Variants in ADD2 observed in about 807,000 individuals in gnomAD.
The protein encoded by ADD2 is beta-adducin.
Under a neutral mutation model 83.0 loss-of-function variants are expected in ADD2, and 23 were observed. The observed-to-expected ratio is 0.28, with a 90% confidence interval of 0.20 to 0.39. The LOEUF (loss-of-function observed/expected upper bound fraction) is 0.39, where lower values mean the gene tolerates loss of function less well. Ranked by LOEUF, ADD2 falls within the 10% of genes least tolerant of loss-of-function variation. The pLI, the probability that ADD2 is intolerant of heterozygous loss-of-function variation, is 1.00. For synonymous variants in ADD2, 375 were observed against 375.4 expected, an observed-to-expected ratio of 1.00 and a Z score of 0.01; for missense variants, 758 against 944.9, an observed-to-expected ratio of 0.80 and a Z score of 2.59.
At chr2:70,699,736 C>T (rs374725220) in intron 4 of ADD2, among the ~76,000 whole-genome samples, 3 of 152,082 alleles carry the variant, frequency 2.0e-5, no homozygotes, top group Admixed American at 6.5e-5. Context: ...GCTGTGTTTG[C>T]ACCATTGCTC....
At position 70,683,570 on chromosome 2, in the gene ADD2, G is replaced by A. The variant is rs781918505; in HGVS notation, c.1125+21C>T. ...TAAGCCTCAATGGACTGGCCTGGAA[G>A]GGCAATGGCAGGAGACTCACCAGGT... is the stretch of plus-strand genomic sequence containing the variant. On this transcript the variant is annotated intron_variant, in intron 10 of 15. Transcript: ENST00000264436. 66 of 1,599,758 alleles carry A rather than the reference G, an allele frequency of 4.1e-5. 1 individual carries two copies. Among genetic ancestry groups the A allele is most frequent in the Non-Finnish European group, 5.5e-5 (64 of 1,168,960 alleles).
Position 70,661,523 on chromosome 2 carries a change from A to C in ADD2, c.*1902T>G, listed in dbSNP as rs916385360. On this transcript the variant is annotated 3_prime_UTR_variant, in exon 16 of 16. Transcript: ENST00000264436. ...TTAGGAATCTGCACTAGAGAGACAC[A>C]GTGTCAGGTTTACCTTGGTCCTAGG... 3.6e-4 allele frequency: 55 copies of C among 152,158 alleles called. 1 individual carries two copies. The highest frequency in any genetic ancestry group is 1.2e-3 in the African/African-American group (51 of 41,418). The allele number at this position is 152,158 out of a possible 1,614,324, so 9.4% of individuals were successfully genotyped here.
At chr2:70,740,844 C>T (rs955229398) in intron 1 of ADD2, among the ~76,000 whole-genome samples, 2 of 152,142 alleles carry the variant, frequency 1.3e-5, no homozygotes, top group Admixed American at 1.3e-4. Flanking sequence ...AGCGTACAGG[C>T]GTGTGCCACT....
intron 1 of ADD2, among the ~76,000 whole-genome samples, chr2:70,747,629 G>A (rs1434775683): frequency 1.3e-5 from 2 of 152,130 alleles, no homozygotes; most frequent in Admixed American, 6.5e-5. Flanking sequence ...CACCCATTAT[G>A]AGTCATGCTT....
chr2:70,767,518 A>C, intron 1 of ADD2: 1 of 353,752 alleles, frequency 2.8e-6, no homozygotes, highest in Non-Finnish European at 4.0e-6. Context: ...AGGGGAGGGG[A>C]GGGAGGGGAG....
rs1553371447 is a variant in ADD2 at position 70,690,884 on chromosome 2, G to A, written c.751C>T (p.Leu251=). 4 of 1,614,034 alleles carry A rather than the reference G, an allele frequency of 2.5e-6. No individual in the cohort carries two copies. The highest frequency in any genetic ancestry group is 3.4e-6 in the Non-Finnish European group (4 of 1,179,992). Residue 251 remains leucine (L), a synonymous_variant, in exon 8 of 16, where the codon CTG becomes TTG. Coordinates refer to ENST00000264436, the MANE Select transcript of ADD2 (RefSeq NM_001617.4). The part of the protein sequence containing the change: ...WGLLPVSHNA[L]LVGDMAYYDF... ...TAATAGGCCATGTCCCCCACCAGCA[G>A]GGCATTGTGGGAGACAGGCAGGAGG... is the stretch of plus-strand genomic sequence containing the variant.
chr2:70,716,116 T>C (rs1553376329), intron 1 of ADD2, among the ~76,000 whole-genome samples: 1 of 152,176 alleles, frequency 6.6e-6, no homozygotes, highest in Non-Finnish European at 1.5e-5. Context: ...TTTCACATTT[T>C]CCAAATATAA....
Position 70,755,701 on chromosome 2 carries a change from C to G in ADD2, c.-154+12185G>C, listed in dbSNP as rs139637624. Among the ~76,000 whole-genome samples, 27 of 152,168 alleles carry G rather than the reference C, an allele frequency of 1.8e-4. No individual in the cohort carries two copies. In the East Asian group the frequency reaches 5.2e-3, roughly 29 times the overall value. On this transcript the variant is annotated intron_variant, in intron 1 of 15. Transcript: ENST00000264436. Reference sequence around the variant, plus strand: ...TTTTCTTAAATATTTTTTATTTAGCCCTCCCTCCCTCTCCTCATAAAAATG... The same window carrying G: ...TTTTCTTAAATATTTTTTATTTAGCGCTCCCTCCCTCTCCTCATAAAAATG...
intron 1 of ADD2, among the ~76,000 whole-genome samples, chr2:70,729,625 A>G (rs1209811362): frequency 1.3e-5 from 2 of 152,160 alleles, no homozygotes; most frequent in Non-Finnish European, 2.9e-5. Flanking sequence ...TCTGCAAAAT[A>G]TGGCAGGACA....
chr2:70,667,634 G>GT (rs1463138434), intron 15 of ADD2, among the ~76,000 whole-genome samples: 6 of 152,118 alleles, frequency 3.9e-5, no homozygotes, highest in African/African-American at 1.4e-4. Context: ...TCGCTTTTTG[G>GT]TGGGGGGATG....
Position 70,687,983 on chromosome 2 carries a change from G to C in ADD2, c.948+41C>G, listed in dbSNP as rs369155998. The C allele has an allele frequency of 2.5e-4, 389 of 1,540,720 alleles. 5 individuals carry two copies. In the South Asian group the frequency reaches 3.7e-3, roughly 15 times the overall value. ...CACGTTTGCCCACAGGCCCCTGTCA[G>C]AGCCCACTCCTGGGCCCACTTTCCA... On this transcript the variant is annotated intron_variant, in intron 9 of 15. Transcript: ENST00000264436.
In ADD2 at chr2:70,753,711, A is replaced by C. The variant is rs537552710; in HGVS notation, c.-154+14175T>G. Among the ~76,000 whole-genome samples, 10 of 152,240 alleles carry C rather than the reference A, an allele frequency of 6.6e-5. No individual in the cohort carries two copies. In the East Asian group the frequency reaches 1.9e-3, roughly 29 times the overall value. Reference sequence around the variant, plus strand: ...GGAAAGGAAATTTGGAGAAAAGAGGAGTGAATTCGTCATTCTGGAAAGTGA... The same window carrying C: ...GGAAAGGAAATTTGGAGAAAAGAGGCGTGAATTCGTCATTCTGGAAAGTGA... On this transcript the variant is annotated intron_variant, in intron 1 of 15. Coordinates refer to ENST00000264436, the MANE Select transcript of ADD2 (RefSeq NM_001617.4).
At chr2:70,663,809 C>A in intron 15 of ADD2, 74 bp from the exon 16 acceptor site, 4 of 1,449,726 alleles carry the variant, frequency 2.8e-6, no homozygotes, top group South Asian at 2.6e-5. Flanking sequence ...CTAACAGAAC[C>A]ATTTCTAGGG....
chr2:70,743,271 G>T (rs1458676804), intron 1 of ADD2, among the ~76,000 whole-genome samples: 3 of 152,164 alleles, frequency 2.0e-5, no homozygotes, highest in Non-Finnish European at 2.9e-5. Context: ...TGTGTAATTG[G>T]ATAATACATA....
At chr2:70,757,999 A>G (rs1553384145) in intron 1 of ADD2, among the ~76,000 whole-genome samples, 1 of 152,236 alleles carries the variant, frequency 6.6e-6, no homozygotes, top group Non-Finnish European at 1.5e-5. Context: ...CCCTTTCAAA[A>G]TTCCACAGAA....
intron 1 of ADD2, among the ~76,000 whole-genome samples, chr2:70,713,446 AC>A (rs1672301915): frequency 6.6e-6 from 1 of 152,158 alleles, no homozygotes; most frequent in Non-Finnish European, 1.5e-5. Context: ...CCCCATCTCT[AC>A]TAAAAATACA....
At chr2:70,675,044 G>A (rs1298943753) in intron 13 of ADD2, 5 of 1,309,490 alleles carry the variant, frequency 3.8e-6, no homozygotes, top group South Asian at 2.4e-5. Flanking sequence ...ATGAATATAG[G>A]GGGTCCACAG....
chr2:70,728,944 C>T (rs1673147932), intron 1 of ADD2, among the ~76,000 whole-genome samples: 2 of 152,354 alleles, frequency 1.3e-5, no homozygotes, highest in African/African-American at 2.4e-5. Context: ...TAGGGCCTGT[C>T]GGCATGGTTT....
chr2:70,714,839 G>T (rs931493547), intron 1 of ADD2, among the ~76,000 whole-genome samples: 10 of 152,212 alleles, frequency 6.6e-5, no homozygotes, highest in African/African-American at 2.4e-4. Context: ...AACCTGCTAA[G>T]ATTTGAATTT....
Sources: gnomAD v4.1 joint callset for allele counts (sites outside exome capture counted in the v4.1 genomes callset) on GRCh38, gnomAD v4.1.1 for gene constraint, MANE v1.5 for transcripts, NCBI Gene and HGNC (gene_info 2026-07-23, HGNC 2026-07-21) for gene names.